The following SLC24A2 variants were observed in gnomAD, a reference collection of about 807,000 sequenced individuals.
The protein encoded by SLC24A2 is sodium/potassium/calcium exchanger 2.
SLC24A2 carries 36 observed loss-of-function variants against 62.0 expected under a neutral mutation model. That is an observed-to-expected ratio of 0.58 (90% CI 0.44 to 0.77). SLC24A2 has a LOEUF of 0.77. Ranked by LOEUF, SLC24A2 falls within the 30% of genes least tolerant of loss-of-function variation. SLC24A2 has a pLI of 0.00. For missense variants in SLC24A2, 846 were observed against 817.9 expected (o/e 1.03, Z -0.42); for synonymous variants, 358 against 294.0 (o/e 1.22, Z -2.23).
At position 19,508,233 on chromosome 9, in the gene SLC24A2, C is replaced by G. The variant is rs1043159707; in HGVS notation, c.*7920G>C. The stretch of plus-strand genomic sequence containing the variant: ...ACTTTGTGTTCAGGGTTCAATAGCG[C>G]AATTCAGTAACTGAGGCTCCCTCTT... On this transcript the variant is annotated 3_prime_UTR_variant, in exon 11 of 11. Transcript: ENST00000341998. 30 of 152,264 alleles carry G rather than the reference C, an allele frequency of 2.0e-4. No homozygotes were observed. Among genetic ancestry groups the G allele is most frequent in the African/African-American group, 7.0e-4 (29 of 41,562 alleles). The allele number at this position is 152,264 out of a possible 1,614,324, so 9.4% of individuals were successfully genotyped here. A position where few individuals can be genotyped will look rare whatever the true frequency, so the allele number is the denominator to read the frequency against.
chr9:19,803,160 A>G, the SLC24A2 span, among the ~76,000 whole-genome samples: 1 of 152,254 alleles, frequency 6.6e-6, no homozygotes, highest in Non-Finnish European at 1.5e-5. Context: ...GGACTGAGAC[A>G]GGACACATTG....
At chr9:20,070,041 T>C in the SLC24A2 span, among the ~76,000 whole-genome samples, 265 of 152,356 alleles carry the variant, frequency 1.7e-3, 3 homozygotes, top group Admixed American at 0.015. Context: ...AATCTTTGAC[T>C]TATTTTTATT....
the SLC24A2 span, among the ~76,000 whole-genome samples, chr9:19,845,814 T>C: frequency 1.3e-5 from 2 of 152,158 alleles, no homozygotes; most frequent in African/African-American, 4.8e-5. Flanking sequence ...TTTCATATAA[T>C]TTTTTATTTC....
chr9:20,044,326 C>A, the SLC24A2 span, among the ~76,000 whole-genome samples: 7 of 152,224 alleles, frequency 4.6e-5, no homozygotes, highest in African/African-American at 1.7e-4. Context: ...CCTGTATATG[C>A]TAAGCCTTAA....
chr9:19,545,004 G>T (rs1233652507), intron 8 of SLC24A2, among the ~76,000 whole-genome samples: 2 of 152,118 alleles, frequency 1.3e-5, no homozygotes, highest in East Asian at 1.9e-4. Context: ...TCTCCTGGAT[G>T]ATATCCCGAA....
At chr9:20,168,242 T>C in the SLC24A2 span, among the ~76,000 whole-genome samples, 1 of 152,022 alleles carries the variant, frequency 6.6e-6, no homozygotes, top group Non-Finnish European at 1.5e-5. Context: ...GTCAATCTGA[T>C]AAAGAGTATA....
chr9:19,818,638 C>G, the SLC24A2 span, among the ~76,000 whole-genome samples: 1 of 151,964 alleles, frequency 6.6e-6, no homozygotes, highest in African/African-American at 2.4e-5. Context: ...TATACCTAAC[C>G]AAGGAGTCGA....
the SLC24A2 span, among the ~76,000 whole-genome samples, chr9:19,819,179 A>G: frequency 3.9e-5 from 6 of 152,178 alleles, no homozygotes; most frequent in African/African-American, 1.4e-4. Flanking sequence ...CTCATCTCTC[A>G]CCTTATACAA....
chr9:19,895,871 G>A, the SLC24A2 span: 2 of 1,612,586 alleles, frequency 1.2e-6, no homozygotes, highest in Non-Finnish European at 1.7e-6. Flanking sequence ...GGGTGCAGCA[G>A]GGCCTCGGCC....
the SLC24A2 span, among the ~76,000 whole-genome samples, chr9:20,017,432 A>C: frequency 6.6e-6 from 1 of 152,188 alleles, no homozygotes; most frequent in African/African-American, 2.4e-5. Context: ...AAGTTTAACA[A>C]AACAAGCACA....
chr9:20,265,697 A>G, the SLC24A2 span, among the ~76,000 whole-genome samples: 2 of 152,208 alleles, frequency 1.3e-5, no homozygotes, highest in African/African-American at 4.8e-5. Context: ...AGAACAGGGT[A>G]ACAGCAATGT....
chr9:19,895,548 T>TTC, the SLC24A2 span, among the ~76,000 whole-genome samples: 19 of 138,160 alleles, frequency 1.4e-4, no homozygotes, highest in South Asian at 4.5e-4. Flanking sequence ...CTTTCTTTCT[T>TTC]TTTTTTTTTT....
chr9:19,809,923 G>A, the SLC24A2 span, among the ~76,000 whole-genome samples: 5 of 151,772 alleles, frequency 3.3e-5, no homozygotes, highest in Non-Finnish European at 5.9e-5. Flanking sequence ...TAAACTACTC[G>A]TGTGTGTCCG....
At chr9:20,163,236 C>G in the SLC24A2 span, among the ~76,000 whole-genome samples, 1 of 152,044 alleles carries the variant, frequency 6.6e-6, no homozygotes, top group Non-Finnish European at 1.5e-5. Flanking sequence ...AAAACCCCAT[C>G]GTCTCAGTCC....
chr9:19,752,091 T>C (rs1430724560), intron 2 of SLC24A2, among the ~76,000 whole-genome samples: 2 of 152,140 alleles, frequency 1.3e-5, no homozygotes, highest in African/African-American at 4.8e-5. Context: ...AAATGTTCAT[T>C]TGATGAGTGC....
At chr9:20,195,782 T>C in the SLC24A2 span, among the ~76,000 whole-genome samples, 12 of 152,130 alleles carry the variant, frequency 7.9e-5, no homozygotes, top group East Asian at 1.2e-3. Flanking sequence ...CCACTTAAAA[T>C]AGTCTCATGG....
chr9:20,228,961 T>G, the SLC24A2 span, among the ~76,000 whole-genome samples: 1 of 152,014 alleles, frequency 6.6e-6, no homozygotes, highest in Non-Finnish European at 1.5e-5. Context: ...CAATCATCCC[T>G]GGCAATAAAG....
At chr9:19,586,969 T>G (rs117322666) in intron 5 of SLC24A2, among the ~76,000 whole-genome samples, 1,921 of 152,292 alleles carry the variant, frequency 0.013, 24 homozygotes, top group Non-Finnish European at 0.019. Context: ...GTCTAAGAGG[T>G]AAACGAATGA....
At chr9:19,760,767 T>C (rs927534563) in intron 2 of SLC24A2, among the ~76,000 whole-genome samples, 3 of 152,086 alleles carry the variant, frequency 2.0e-5, no homozygotes, top group Admixed American at 6.6e-5. Flanking sequence ...CAGCCTAACA[T>C]TGATGGGCAT....
Sources: allele counts gnomAD v4.1 joint callset (sites outside exome capture counted in the v4.1 genomes callset), GRCh38; gene constraint gnomAD v4.1.1; transcripts MANE v1.5; gene names NCBI Gene and HGNC (gene_info 2026-07-23, HGNC 2026-07-21).